Variants in KIT observed in about 807,000 individuals in gnomAD.
The protein encoded by KIT is mast/stem cell growth factor receptor Kit.
KIT carries 16 observed loss-of-function variants against 105.7 expected under a neutral mutation model. The observed-to-expected ratio is 0.15, with a 90% confidence interval of 0.10 to 0.23. KIT has a LOEUF of 0.23. KIT is among the 10% of genes least tolerant of loss of function. The pLI, the probability that KIT is intolerant of heterozygous loss-of-function variation, is 1.00. For synonymous variants in KIT, 438 were observed against 441.1 expected (o/e 0.99, Z 0.09); for missense variants, 858 against 1,213.8 (o/e 0.71, Z 4.36).
At chr4:54,712,505 T>A (rs1289931961) in intron 7 of KIT, among the ~76,000 whole-genome samples, 1 of 152,160 alleles carries the variant, frequency 6.6e-6, no homozygotes, top group Non-Finnish European at 1.5e-5. Context: ...GTGTCTCTTT[T>A]CTTCTTTTTT....
intron 1 of KIT, among the ~76,000 whole-genome samples, chr4:54,688,945 T>C (rs2109636162): frequency 6.6e-6 from 1 of 152,320 alleles, no homozygotes; most frequent in East Asian, 1.9e-4. Context: ...TCTTTGAGTT[T>C]TGGTTGAGTG....
At chr4:54,675,819 G>A (rs2109585216) in intron 1 of KIT, among the ~76,000 whole-genome samples, 1 of 152,288 alleles carries the variant, frequency 6.6e-6, no homozygotes, top group East Asian at 1.9e-4. Context: ...TATGGGCTGT[G>A]GATGTGGGCT....
chr4:54,709,414 T>G lies in KIT; in HGVS notation c.1116-10T>G. 6.4e-7 allele frequency: 1 copy of G among 1,563,378 alleles called. No homozygotes were observed. Among genetic ancestry groups the G allele is most frequent in the African/African-American group, 1.4e-5 (1 of 73,950 alleles). On this transcript the variant is annotated splice_polypyrimidine_tract_variant and intron_variant, in intron 6 of 20. Transcript: ENST00000288135. ...CCACAGGTGATTGACTAGTTGTCTT[T>G]TCTTTGTAGATACGTAAGTGAACTT... is the stretch of plus-strand genomic sequence containing the variant.
At position 54,665,548 on chromosome 4, in the gene KIT, G is replaced by A. The variant is rs116083122; in HGVS notation, c.67+7467G>A. Among the ~76,000 whole-genome samples, 1,042 of 152,174 alleles carry A rather than the reference G, an allele frequency of 6.8e-3. 12 individuals carry two copies. The highest frequency in any genetic ancestry group is 0.024 in the African/African-American group (989 of 41,480). ...TAAAGGTGCAGGTCTTCTCTCATTC[G>A]GCGTATTTATGGGCACCTTCTGTGT... On this transcript the variant is annotated intron_variant, in intron 1 of 20. Transcript: ENST00000288135.
intron 6 of KIT, among the ~76,000 whole-genome samples, chr4:54,708,627 G>A (rs765874683): frequency 6.6e-5 from 10 of 152,158 alleles, no homozygotes; most frequent in Non-Finnish European, 1.2e-4. Flanking sequence ...AGAACCCTGC[G>A]CTGGAAGTAA....
At chr4:54,700,797 T>C (rs1443573241) in intron 4 of KIT, among the ~76,000 whole-genome samples, 1 of 152,256 alleles carries the variant, frequency 6.6e-6, no homozygotes, top group African/African-American at 2.4e-5. Context: ...GATATTCATG[T>C]AGACCTGTGA....
At chr4:54,676,379 A>T (rs1418424815) in intron 1 of KIT, among the ~76,000 whole-genome samples, 1 of 152,228 alleles carries the variant, frequency 6.6e-6, no homozygotes, top group African/African-American at 2.4e-5. Context: ...GCTTTGTCAC[A>T]GCTGTCAGGC....
intron 1 of KIT, among the ~76,000 whole-genome samples, chr4:54,689,414 T>TG (rs1719541089): frequency 6.6e-6 from 1 of 152,224 alleles, no homozygotes; most frequent in South Asian, 2.1e-4. Flanking sequence ...AAAAATGCCT[T>TG]GGGCAGGGTC....
At position 54,664,582 on chromosome 4, in the gene KIT, ATTATTTATTTATTTATTTAT is replaced by A. The variant is rs3033777; in HGVS notation, c.67+6526_67+6545del. On this transcript the variant is annotated intron_variant, in intron 1 of 20. Transcript: ENST00000288135. ...CAAGACTAAGGGAGAGTCTGTTTTT[ATTATTTATTTATTTATTTAT>A]TTATTTATTTATTTATTTATTTATG... Among the ~76,000 whole-genome samples the A allele has an allele frequency of 9.0e-4, 130 of 144,396 alleles. 2 individuals are homozygous for A. The highest frequency in any genetic ancestry group is 1.4e-3 in the East Asian group (7 of 4,928). 94.7% of individuals were successfully genotyped at this position (144,396 alleles called of 152,430 possible). A position where few individuals can be genotyped will look rare whatever the true frequency, so the allele number is the denominator to read the frequency against.
intron 13 of KIT, among the ~76,000 whole-genome samples, chr4:54,728,493 C>T (rs751115594): frequency 1.3e-5 from 2 of 152,140 alleles, no homozygotes; most frequent in Non-Finnish European, 2.9e-5. Flanking sequence ...TTAAAACAGG[C>T]GCCTAAGCCT....
chr4:54,716,236 A>G (rs1721489481), intron 7 of KIT, among the ~76,000 whole-genome samples: 1 of 152,234 alleles, frequency 6.6e-6, no homozygotes, highest in South Asian at 2.1e-4. Flanking sequence ...AGTGCCGAAT[A>G]GAACTCCTTT....
chr4:54,721,773 T>C (rs1373541037), intron 7 of KIT, among the ~76,000 whole-genome samples: 1 of 152,220 alleles, frequency 6.6e-6, no homozygotes, highest in Non-Finnish European at 1.5e-5. Context: ...TCTTTCCTTC[T>C]CACTGCATAT....
Position 54,698,477 on chromosome 4 carries a change from C to T in KIT, c.531C>T (p.Arg177=), listed in dbSNP as rs756722358. The stretch of plus-strand genomic sequence containing the variant: ...GCATCATGATCAAAAGTGTGAAACG[C>T]GCCTACCATCGGCTCTGTCTGCATT... The part of the protein sequence containing the change: ...KAGIMIKSVK[R]AYHRLCLHCS... Residue 177 remains arginine, a synonymous_variant, in exon 3 of 21, where the codon CGC becomes CGT. Transcript: ENST00000288135. The T allele has an allele frequency of 2.8e-5, 45 of 1,614,016 alleles. No homozygotes were observed. The highest frequency in any genetic ancestry group is 1.6e-4 in the Middle Eastern group (1 of 6,082).
At chr4:54,673,420 G>A (rs530222848) in intron 1 of KIT, among the ~76,000 whole-genome samples, 78 of 151,960 alleles carry the variant, frequency 5.1e-4, no homozygotes, top group African/African-American at 1.5e-3. Flanking sequence ...ATTTGCTCTC[G>A]TGTTGTCTTT....
At chr4:54,732,959 G>C in intron 16 of KIT, 111 bp from the exon 17 acceptor site, 1 of 896,078 alleles carries the variant, frequency 1.1e-6, no homozygotes, top group East Asian at 2.7e-5. Context: ...TAAAACAAAA[G>C]TATTGGATTT....
intron 1 of KIT, among the ~76,000 whole-genome samples, chr4:54,682,989 T>A (rs1719058799): frequency 6.6e-6 from 1 of 151,970 alleles, no homozygotes; most frequent in African/African-American, 2.4e-5. Flanking sequence ...TGGTCTCAAG[T>A]GATCCTCCCG....
chr4:54,701,846 C>T (rs1026777659), intron 4 of KIT, among the ~76,000 whole-genome samples: 7 of 152,180 alleles, frequency 4.6e-5, no homozygotes, highest in Non-Finnish European at 8.8e-5. Flanking sequence ...CTTCACCTTG[C>T]TCTTACATCT....
intron 13 of KIT, among the ~76,000 whole-genome samples, chr4:54,728,334 C>G (rs1049844254): frequency 6.6e-6 from 1 of 152,116 alleles, no homozygotes; most frequent in Non-Finnish European, 1.5e-5. Context: ...AGGACATACC[C>G]TAGTTATTGT....
chr4:54,677,934 G>A (rs1473968067), intron 1 of KIT, among the ~76,000 whole-genome samples: 1 of 152,210 alleles, frequency 6.6e-6, no homozygotes, highest in African/African-American at 2.4e-5. Context: ...AGAGGCTGAC[G>A]TGCTTAATGG....
Sources: gnomAD v4.1 joint callset for allele counts (sites outside exome capture counted in the v4.1 genomes callset) on GRCh38, gnomAD v4.1.1 for gene constraint, MANE v1.5 for transcripts, NCBI Gene and HGNC (gene_info 2026-07-23, HGNC 2026-07-21) for gene names.